Variants in UACA observed in about 807,000 individuals in gnomAD.
The protein encoded by UACA is uveal autoantigen with coiled-coil domains and ankyrin repeats, also known as nuclear membrane binding protein.
A neutral mutation model predicts 160.5 loss-of-function variants in UACA; 112 were observed. The ratio of observed to expected loss-of-function variants is 0.70; its 90% confidence interval spans 0.60 to 0.82. UACA has a LOEUF of 0.82. UACA is among the 40% of genes least tolerant of loss of function. The probability of loss-of-function intolerance (pLI) is 0.00; values close to 1 mark genes in which losing one functional copy is unlikely to be tolerated. For missense variants in UACA, 1,574 were observed against 1,614.6 expected, an observed-to-expected ratio of 0.97 and a Z score of 0.43; for synonymous variants, 557 against 568.4, an observed-to-expected ratio of 0.98 and a Z score of 0.29.
chr15:70,666,724 C>G lies in UACA; in HGVS notation c.3960G>C (p.Lys1320Asn). 6.3e-7 allele frequency: 1 copy of G among 1,599,960 alleles called. No individual in the cohort carries two copies. The highest frequency in any genetic ancestry group is 8.5e-7 in the Non-Finnish European group (1 of 1,174,736). Residue 1320 changes from lysine (K) to asparagine (N), a missense_variant and splice_region_variant, in exon 16 of 19, where the codon AAG becomes AAC. Transcript: ENST00000322954. ...GCCGTGCAGACTACTTTGTACCTAC[C>G]TTATTATCTTTTGCTTCTATTTGTT... Reference protein sequence around the residue: ...SAKQIEAKDNKITELLNDVER... With the variant: ...SAKQIEAKDNNITELLNDVER...
chr15:70,694,798 C>T (rs1240460571), intron 3 of UACA, among the ~76,000 whole-genome samples: 1 of 152,094 alleles, frequency 6.6e-6, no homozygotes, highest in Non-Finnish European at 1.5e-5. Flanking sequence ...GAATTCAGGT[C>T]TCCAACTGCT....
intron 1 of UACA, chr15:70,758,784 A>G (rs2030575191): frequency 6.6e-6 from 1 of 152,230 alleles, no homozygotes. Context: ...TATAAAATTC[A>G]CTGCCCCATT....
intron 1 of UACA, among the ~76,000 whole-genome samples, chr15:70,752,649 T>G (rs558294262): frequency 6.6e-6 from 1 of 152,268 alleles, no homozygotes; most frequent in African/African-American, 2.4e-5. Context: ...GAGATTTTTT[T>G]TTTAAAATGA....
chr15:70,776,278 A>C, the UACA span, among the ~76,000 whole-genome samples: 1 of 152,214 alleles, frequency 6.6e-6, no homozygotes, highest in Non-Finnish European at 1.5e-5. Context: ...TAATTTATTT[A>C]TTCATTAAAT....
At chr15:70,761,512 A>G (rs2030752181) in intron 1 of UACA, among the ~76,000 whole-genome samples, 1 of 152,094 alleles carries the variant, frequency 6.6e-6, no homozygotes, top group Non-Finnish European at 1.5e-5. Flanking sequence ...TCTCCTGTAC[A>G]TGTGTTTTAT....
At chr15:70,658,301 A>T (rs1896556925) in intron 18 of UACA, among the ~76,000 whole-genome samples, 1 of 152,176 alleles carries the variant, frequency 6.6e-6, no homozygotes, top group Admixed American at 6.5e-5. Flanking sequence ...CTAACGATGG[A>T]CATTTAAGGT....
intron 1 of UACA, among the ~76,000 whole-genome samples, chr15:70,722,223 A>G (rs1462981867): frequency 6.6e-6 from 1 of 152,248 alleles, no homozygotes; most frequent in Non-Finnish European, 1.5e-5. Flanking sequence ...TTATTATACA[A>G]TAACATATAG....
chr15:70,678,043 A>G, intron 11 of UACA, 56 bp downstream of exon 11: 1 of 1,299,044 alleles, frequency 7.7e-7, no homozygotes, highest in Non-Finnish European at 1.1e-6. Flanking sequence ...AATCATTAAC[A>G]ATTTGCTATT....
intron 2 of UACA, among the ~76,000 whole-genome samples, chr15:70,698,808 T>A (rs2140964761): frequency 6.6e-6 from 1 of 152,068 alleles, no homozygotes; most frequent in South Asian, 2.1e-4. Flanking sequence ...TAGAGGGTCA[T>A]AACAGGGACT....
At chr15:70,679,361 C>T (rs1463776780) in intron 10 of UACA, among the ~76,000 whole-genome samples, 1 of 151,492 alleles carries the variant, frequency 6.6e-6, no homozygotes, top group Admixed American at 6.6e-5. Context: ...CGAGATCATG[C>T]CACTGCACTC....
intron 1 of UACA, among the ~76,000 whole-genome samples, chr15:70,728,424 G>A (rs527663740): frequency 3.3e-5 from 5 of 151,984 alleles, no homozygotes; most frequent in Non-Finnish European, 5.9e-5. Flanking sequence ...TTAGCCAGGC[G>A]TGGTGGTGCA....
the UACA span, among the ~76,000 whole-genome samples, chr15:70,774,378 C>G: frequency 6.6e-6 from 1 of 151,992 alleles, no homozygotes; most frequent in Non-Finnish European, 1.5e-5. Context: ...AACCCCGTCT[C>G]TACCAATAAT....
At position 70,677,103 on chromosome 15, in the gene UACA, C is replaced by T; in HGVS notation, c.1032+5G>A. On this transcript the variant is annotated splice_donor_5th_base_variant and intron_variant, in intron 12 of 18. Transcript: ENST00000322954. ...TTAATGGTTTAAAATAAAATGTCAC[C>T]CTACCTCGCTTTCCAGATCATCAGC... 1 of 1,600,816 alleles carries T rather than the reference C, an allele frequency of 6.2e-7. No individual in the cohort carries two copies. The highest frequency in any genetic ancestry group is 8.5e-7 in the Non-Finnish European group (1 of 1,172,954).
At chr15:70,754,326 C>G in intron 1 of UACA, 1 of 306,668 alleles carries the variant, frequency 3.3e-6, no homozygotes, top group Non-Finnish European at 6.5e-6. Context: ...CTTTGAGTAC[C>G]CGTACAACTA....
chr15:70,705,461 G>A (rs957816707), intron 1 of UACA, among the ~76,000 whole-genome samples: 10 of 151,968 alleles, frequency 6.6e-5, no homozygotes, highest in African/African-American at 1.9e-4. Context: ...GCTTGAACCC[G>A]GCAGGCGGAG....
the UACA span, among the ~76,000 whole-genome samples, chr15:70,772,231 C>A: frequency 6.6e-6 from 1 of 152,164 alleles, no homozygotes; most frequent in Non-Finnish European, 1.5e-5. Context: ...CGGTGGCTCA[C>A]GCCTGTAATC....
chr15:70,687,511 G>A, intron 7 of UACA, 29 bp downstream of exon 7: 1 of 1,598,124 alleles, frequency 6.3e-7, no homozygotes, highest in Non-Finnish European at 8.6e-7. Flanking sequence ...TATCCAGCTG[G>A]TATCTGGGAG....
Position 70,668,990 on chromosome 15 carries a change from T to C in UACA, c.1694A>G (p.Asn565Ser), listed in dbSNP as rs1322418730. ...GASAEVGKLR[N>S]QIKQNEMIVE... is the part of the protein sequence containing the mutation. ...TATCATCTCATTTTGTTTGATTTGG[T>C]TTCTTAATTTCCCCACTTCTGCTGA... The change falls in exon 16 of 19, where the codon AAC becomes AGC. Residue 565 changes from asparagine (N) to serine (S), a missense_variant. By Grantham distance (46) the Asn-to-Ser change is conservative. Coordinates refer to ENST00000322954, the MANE Select transcript of UACA (RefSeq NM_018003.4). The C allele has an allele frequency of 3.1e-6, 5 of 1,613,918 alleles. No individual in the cohort carries two copies. In the South Asian group the frequency reaches 4.4e-5, roughly 14 times the overall value.
chr15:70,698,245 A>C (rs1025232746), intron 2 of UACA, among the ~76,000 whole-genome samples: 5 of 152,146 alleles, frequency 3.3e-5, no homozygotes, highest in Non-Finnish European at 7.4e-5. Context: ...GTCACTCAAA[A>C]CATTCGAAGT....
Sources: gnomAD v4.1 joint callset for allele counts (sites outside exome capture counted in the v4.1 genomes callset) on GRCh38, gnomAD v4.1.1 for gene constraint, MANE v1.5 for transcripts, NCBI Gene and HGNC (gene_info 2026-07-23, HGNC 2026-07-21) for gene names.